Variants in MYO5B observed in about 807,000 individuals in gnomAD.
MYO5B encodes unconventional myosin-Vb.
Under a neutral mutation model 229.3 loss-of-function variants are expected in MYO5B, and 143 were observed. The ratio of observed to expected loss-of-function variants is 0.62; its 90% CI spans 0.54 to 0.72. MYO5B has a LOEUF of 0.72. MYO5B is among the 30% of genes least tolerant of loss of function. The probability of loss-of-function intolerance (pLI) is 0.00; values close to 1 mark genes in which losing one functional copy is unlikely to be tolerated. For synonymous variants in MYO5B, 918 were observed against 885.2 expected (o/e 1.04, Z -0.66); for missense variants, 2,321 against 2,331.0 (o/e 1.00, Z 0.09).
intron 27 of MYO5B, among the ~76,000 whole-genome samples, chr18:49,866,511 C>T (rs903352113): frequency 3.3e-5 from 5 of 152,202 alleles, no homozygotes; most frequent in Non-Finnish European, 7.3e-5. Flanking sequence ...TCCCCATCCC[C>T]GCTCCTCATC....
intron 7 of MYO5B, among the ~76,000 whole-genome samples, chr18:49,986,535 T>C (rs1272420827): frequency 6.6e-6 from 1 of 152,214 alleles, no homozygotes; most frequent in Non-Finnish European, 1.5e-5. Context: ...GCACTTGAAC[T>C]GAGAGAGGAA....
chr18:49,953,273 A>C lies in MYO5B; in HGVS notation c.1739T>G (p.Leu580Arg). 6.2e-7 allele frequency: 1 copy of C among 1,614,120 alleles called. No homozygotes were observed. The highest frequency in any genetic ancestry group is 8.5e-7 in the Non-Finnish European group (1 of 1,179,990). ...DTVYEEQINI[L>R]KASKFPLVAD... is the part of the protein sequence containing the mutation. ...GACACTCTTTACCTTGCTGGCCTTC[A>C]GGATATTGATCTGCTCTTCATACAC... is the stretch of plus-strand genomic sequence containing the variant. Residue 580 changes from leucine (L) to arginine (R), a missense_variant, in exon 14 of 40, where the codon CTG (leucine) becomes CGG (arginine). Leu to Arg is a moderately radical substitution (Grantham distance 102). Around this residue, in one of 2 missense-constraint regions of MYO5B, gnomAD observed 2,113 missense variants for 2,044.7 expected, o/e 1.03. Coordinates refer to ENST00000285039, the MANE Select transcript of MYO5B (RefSeq NM_001080467.3).
chr18:49,995,105 C>T (rs1248939979), intron 5 of MYO5B, among the ~76,000 whole-genome samples: 2 of 152,168 alleles, frequency 1.3e-5, no homozygotes, highest in Non-Finnish European at 2.9e-5. Flanking sequence ...TTCATTCTAC[C>T]TACACGGCGT....
chr18:49,836,093 C>T (rs2023983982), intron 38 of MYO5B, among the ~76,000 whole-genome samples: 1 of 152,082 alleles, frequency 6.6e-6, no homozygotes, highest in Non-Finnish European at 1.5e-5. Context: ...GTTCACTTTG[C>T]TATATTAAGA....
Position 49,992,347 on chromosome 18 carries a change from G to C in MYO5B, c.697C>G (p.His233Asp). ...GTCCTCATGTTGGCCCCGATGATGT[G>C]GTACCTTTTGTCAAAGCCAATCTGG... ...YIQIGFDKRY[H>D]IIGANMRTYL... The change falls in exon 6 of 40, where the codon CAC becomes GAC. Residue 233 changes from histidine (H) to aspartate (D), a missense_variant. By Grantham distance (81) the His-to-Asp change is moderately conservative. Around this residue, in one of 2 missense-constraint regions of MYO5B, gnomAD observed 2,113 missense variants for 2,044.7 expected, o/e 1.03. Transcript: ENST00000285039. 1 of 1,614,126 alleles carries C rather than the reference G, an allele frequency of 6.2e-7. No individual in the cohort carries two copies. Among genetic ancestry groups the C allele is most frequent in the Non-Finnish European group, 8.5e-7 (1 of 1,180,022 alleles).
intron 1 of MYO5B, chr18:50,064,026 T>C (rs571539428): frequency 6.6e-6 from 1 of 152,378 alleles, no homozygotes; most frequent in Admixed American, 6.5e-5. Context: ...GTATACTTGT[T>C]GGTGAGGGAA....
At chr18:50,176,582 T>C (rs2032999908) in intron 1 of MYO5B, among the ~76,000 whole-genome samples, 1 of 152,202 alleles carries the variant, frequency 6.6e-6, no homozygotes, top group South Asian at 2.1e-4. Flanking sequence ...CTCCCTTGCA[T>C]ACCTGGTCCC....
chr18:50,119,823 G>T (rs1599035032), intron 1 of MYO5B, among the ~76,000 whole-genome samples: 1 of 152,094 alleles, frequency 6.6e-6, no homozygotes, highest in South Asian at 2.1e-4. Context: ...GCTAGAGAAG[G>T]TCTTGCTGAA....
chr18:49,956,509 C>A (rs1435508750), intron 12 of MYO5B, among the ~76,000 whole-genome samples: 3 of 152,126 alleles, frequency 2.0e-5, no homozygotes, highest in Non-Finnish European at 4.4e-5. Context: ...AAAAGCAGAA[C>A]AAGGTAGAAG....
intron 9 of MYO5B, among the ~76,000 whole-genome samples, chr18:49,979,514 T>G (rs2025791762): frequency 6.6e-6 from 1 of 152,210 alleles, no homozygotes; most frequent in Non-Finnish European, 1.5e-5. Flanking sequence ...AGTTTGAACT[T>G]CTCATAACCC....
At chr18:49,877,969 C>T in intron 24 of MYO5B, 87 bp from the exon 25 acceptor site, 5 of 1,517,426 alleles carry the variant, frequency 3.3e-6, no homozygotes, top group Non-Finnish European at 4.6e-6. Context: ...TAGAGTTATC[C>T]TTCTGCCTAA....
rs2025108953 is a variant in MYO5B at position 49,924,546 on chromosome 18, CA to C, written c.2090+4965del. 2.0e-5 allele frequency among the ~76,000 whole-genome samples: 3 copies of C among 152,368 alleles called. No homozygotes were observed. In the South Asian group the frequency reaches 6.2e-4, roughly 32 times the overall value. On this transcript the variant is annotated intron_variant, in intron 17 of 39. Transcript: ENST00000285039. ...CACAGCTCTGCAGTCTGGACTCCCA[CA>C]AGCTGGAAAGAGGAGGGAGTTTTGC...
intron 17 of MYO5B, among the ~76,000 whole-genome samples, chr18:49,928,655 G>A (rs1194668051): frequency 6.6e-6 from 1 of 152,140 alleles, no homozygotes; most frequent in Non-Finnish European, 1.5e-5. Context: ...GTCGTTATAT[G>A]AAAAAGACAC....
At chr18:49,889,214 T>G (rs1342278563) in intron 22 of MYO5B, among the ~76,000 whole-genome samples, 2 of 152,244 alleles carry the variant, frequency 1.3e-5, no homozygotes, top group East Asian at 3.8e-4. Flanking sequence ...AATAATTCAA[T>G]TTAGGCAGCA....
chr18:49,902,794 C>G lies in MYO5B; in HGVS notation c.2611G>C (p.Val871Leu), dbSNP rs200084356. 2.5e-6 allele frequency: 4 copies of G among 1,602,580 alleles called. No homozygotes were observed. Among genetic ancestry groups the G allele is most frequent in the South Asian group, 1.1e-5 (1 of 91,068 alleles). The change falls in exon 21 of 40, where the codon GTG becomes CTG. Residue 871 changes from valine to leucine, a missense_variant. Val to Leu is a conservative substitution (Grantham distance 32). Around this residue, in one of 2 missense-constraint regions of MYO5B, gnomAD observed 2,113 missense variants for 2,044.7 expected, o/e 1.03. Transcript: ENST00000285039. ...EHKATTIQKHVRGWMARRHFQ... is the reference protein window; with the variant it reads ...EHKATTIQKHLRGWMARRHFQ... ...TGCCTGCGTGCCATCCAGCCCCGCA[C>G]GTGCTTCTGGATGGTGGTGGCCTTG...
At chr18:50,053,384 G>A (rs1345389464) in intron 2 of MYO5B, among the ~76,000 whole-genome samples, 1 of 152,190 alleles carries the variant, frequency 6.6e-6, no homozygotes, top group Non-Finnish European at 1.5e-5. Context: ...CATCTGCTCT[G>A]TTTTAGCAAC....
intron 16 of MYO5B, among the ~76,000 whole-genome samples, chr18:49,933,583 CAATGTCTAAA>C (rs1427697214): frequency 6.6e-6 from 1 of 152,186 alleles, no homozygotes; most frequent in Non-Finnish European, 1.5e-5. Context: ...GAACATTTGG[CAATGTCTAAA>C]AACATTTTTA....
At chr18:50,103,229 T>G (rs1402706977) in intron 1 of MYO5B, among the ~76,000 whole-genome samples, 1 of 152,234 alleles carries the variant, frequency 6.6e-6, no homozygotes, top group Non-Finnish European at 1.5e-5. Context: ...TGAGGGTAAC[T>G]AGGTGCTGCC....
chr18:49,908,320 C>T (rs2024922642), intron 18 of MYO5B, among the ~76,000 whole-genome samples: 1 of 152,196 alleles, frequency 6.6e-6, no homozygotes, highest in South Asian at 2.1e-4. Context: ...TCCTCTAACC[C>T]TTAGAACTGA....
Sources: allele counts gnomAD v4.1 joint callset (sites outside exome capture counted in the v4.1 genomes callset), GRCh38; gene constraint gnomAD v4.1.1; regional missense constraint gnomAD v4.1.1; transcripts MANE v1.5; gene names NCBI Gene and HGNC (gene_info 2026-07-23, HGNC 2026-07-21).